The following SEMA4D variants were observed in gnomAD, a reference collection of about 807,000 sequenced individuals.
SEMA4D encodes the protein semaphorin 4D.
SEMA4D carries 22 observed loss-of-function variants against 74.8 expected under a neutral mutation model. That is an observed-to-expected ratio of 0.29 (90% CI 0.21 to 0.42). SEMA4D has a LOEUF of 0.42. Among genes scored for constraint, SEMA4D ranks in the 10% least tolerant of loss-of-function variants. SEMA4D has a pLI of 1.00. For synonymous variants in SEMA4D, 445 were observed against 463.7 expected (o/e 0.96, Z 0.52); for missense variants, 937 against 1,118.4 (o/e 0.84, Z 2.31).
intron 2 of SEMA4D, among the ~76,000 whole-genome samples, chr9:89,442,100 C>T (rs1190942270): frequency 1.4e-5 from 2 of 147,018 alleles, no homozygotes; most frequent in African/African-American, 5.0e-5. Context: ...CCCTCCCCAT[C>T]ATCAGCACCC....
At chr9:89,373,822 G>A (rs986889367), downstream of SEMA4D, among the ~76,000 whole-genome samples, 5 of 152,182 alleles carry the variant, frequency 3.3e-5, no homozygotes, top group African/African-American at 1.2e-4. Flanking sequence ...GCTCATTCCT[G>A]GCCCACAAGG....
intron 2 of SEMA4D, among the ~76,000 whole-genome samples, chr9:89,438,418 A>T (rs1850930706): frequency 6.6e-6 from 1 of 152,226 alleles, no homozygotes; most frequent in Non-Finnish European, 1.5e-5. Context: ...GGTGAGCAGG[A>T]CGACATTCAC....
At chr9:89,403,126 G>A in intron 3 of SEMA4D, 110 bp from the exon 4 acceptor site, 1 of 1,302,462 alleles carries the variant, frequency 7.7e-7, no homozygotes, top group Non-Finnish European at 1.1e-6. Flanking sequence ...GAGCACGTCT[G>A]GGTGCAGTCA....
chr9:89,465,342 T>TA (rs1003998924), intron 1 of SEMA4D, among the ~76,000 whole-genome samples: 8 of 151,960 alleles, frequency 5.3e-5, no homozygotes, highest in East Asian at 1.9e-4. Flanking sequence ...ACGGGTCACT[T>TA]AAAAAAAATG....
intron 1 of SEMA4D, among the ~76,000 whole-genome samples, chr9:89,471,980 G>A (rs947166924): frequency 3.9e-5 from 6 of 152,098 alleles, no homozygotes; most frequent in East Asian, 1.9e-4. Flanking sequence ...TGAGGTGCAC[G>A]CCAGCTAGGG....
At chr9:89,489,622 G>A (rs943731399) in intron 1 of SEMA4D, among the ~76,000 whole-genome samples, 1 of 152,164 alleles carries the variant, frequency 6.6e-6, no homozygotes, top group Non-Finnish European at 1.5e-5. Context: ...ATCTGTGCCT[G>A]GCTACCTTCA....
chr9:89,468,108 G>C (rs1331723846), intron 1 of SEMA4D, among the ~76,000 whole-genome samples: 1 of 152,204 alleles, frequency 6.6e-6, no homozygotes, highest in Non-Finnish European at 1.5e-5. Context: ...TTTGATCACT[G>C]AGAAAACTCA....
rs570660843 is a variant in SEMA4D, at chr9:89,431,492, C to T, written c.-244+24396G>A. 5.9e-5 allele frequency among the ~76,000 whole-genome samples: 9 copies of T among 152,240 alleles called. No individual in the cohort carries two copies. In the South Asian group the frequency reaches 1.9e-3, roughly 32 times the overall value. ...TTGTTCTCCCAAACAAGAGCAGTTT[C>T]CCTAGATTCTCTTTTGTTTTTTGGA... On this transcript the variant is annotated intron_variant, in intron 2 of 15. Transcript: ENST00000422704.
chr9:89,433,038 G>A (rs1025133876), intron 2 of SEMA4D, among the ~76,000 whole-genome samples: 5 of 152,372 alleles, frequency 3.3e-5, no homozygotes, highest in Middle Eastern at 3.4e-3. Context: ...ACACAAGAGC[G>A]TCTTCGGGTG....
intron 2 of SEMA4D, among the ~76,000 whole-genome samples, chr9:89,410,255 C>G (rs973191246): frequency 5.3e-5 from 8 of 152,224 alleles, no homozygotes; most frequent in African/African-American, 1.9e-4. Context: ...TGCAACCACA[C>G]AGATAACAGT....
At chr9:89,469,239 T>C (rs1381874379) in intron 1 of SEMA4D, among the ~76,000 whole-genome samples, 1 of 152,106 alleles carries the variant, frequency 6.6e-6, no homozygotes, top group East Asian at 1.9e-4. Context: ...CAAGATGAAA[T>C]AGATACCTGA....
In SEMA4D at chr9:89,391,369, G is replaced by A; in HGVS notation, c.669C>T (p.Ser223=). 6.2e-7 allele frequency: 1 copy of A among 1,614,248 alleles called. No homozygotes were observed. The highest frequency in any genetic ancestry group is 8.5e-7 in the Non-Finnish European group (1 of 1,180,038). The change falls in exon 9 of 16, where the codon AGC becomes AGT. Residue 223 remains serine (S), a synonymous_variant. Transcript: ENST00000422704. ...FADVIRKSPD[S]PDGEDDRVYF... ...AGACCCTGTCATCCTCGCCGTCGGGGCTGTCTGGGCTTTTTCGGATCACGT... is the reference window on the plus strand; with the variant it reads ...AGACCCTGTCATCCTCGCCGTCGGGACTGTCTGGGCTTTTTCGGATCACGT...
chr9:89,474,353 A>G (rs1250101502), intron 1 of SEMA4D, among the ~76,000 whole-genome samples: 1 of 143,314 alleles, frequency 7.0e-6, no homozygotes, highest in Non-Finnish European at 1.6e-5. Context: ...CAGCATTCGA[A>G]TCCAAATAAG....
intron 1 of SEMA4D, among the ~76,000 whole-genome samples, chr9:89,478,641 A>T (rs1862360201): frequency 6.6e-6 from 1 of 152,128 alleles, no homozygotes; most frequent in African/African-American, 2.4e-5. Context: ...CAATACACAG[A>T]CTATGAAAAT....
intron 2 of SEMA4D, among the ~76,000 whole-genome samples, chr9:89,431,936 A>G (rs1336565775): frequency 6.6e-6 from 1 of 152,214 alleles, no homozygotes; most frequent in African/African-American, 2.4e-5. Context: ...CAAGGCCCCA[A>G]TACGAGCTCT....
chr9:89,418,308 G>A, intron 2 of SEMA4D: 1 of 883,986 alleles, frequency 1.1e-6, no homozygotes, highest in Non-Finnish European at 1.4e-6. Flanking sequence ...CAGGAGGGAG[G>A]AGCTGTGCAA....
chr9:89,488,352 CTTTTTTTTTTTTTT>C (rs1158168446), intron 1 of SEMA4D, among the ~76,000 whole-genome samples: 4 of 62,592 alleles, frequency 6.4e-5, no homozygotes, highest in African/African-American at 1.3e-4. Flanking sequence ...GATCACAGAT[CTTTTTTTTTTTTTT>C]TTTTTTTTTT....
intron 1 of SEMA4D, among the ~76,000 whole-genome samples, chr9:89,487,085 T>G (rs1370649219): frequency 6.6e-6 from 1 of 151,558 alleles, no homozygotes; most frequent in East Asian, 1.9e-4. Flanking sequence ...ATATCCCTCA[T>G]GACATAGCCA....
chr9:89,371,179 G>T (rs1461049413), intron 16 of SEMA4D, among the ~76,000 whole-genome samples: 2 of 104,166 alleles, frequency 1.9e-5, no homozygotes, highest in Admixed American at 2.3e-4. Context: ...AGGTGTGTGT[G>T]GGGGGGGTGT....
Sources: gnomAD v4.1 joint callset for allele counts (sites outside exome capture counted in the v4.1 genomes callset) on GRCh38, gnomAD v4.1.1 for gene constraint, MANE v1.5 for transcripts, NCBI Gene and HGNC (gene_info 2026-07-23, HGNC 2026-07-21) for gene names.